Variants in CLASP1 observed in about 807,000 individuals in gnomAD.
CLASP1 encodes the protein cytoplasmic linker associated protein 1.
Under a neutral mutation model 192.3 loss-of-function variants are expected in CLASP1, and 38 were observed. The ratio of observed to expected loss-of-function variants is 0.20; its 90% CI spans 0.15 to 0.26. CLASP1 has a LOEUF of 0.26. Ranked by LOEUF, CLASP1 falls within the 10% of genes least tolerant of loss-of-function variation. The pLI, the probability that CLASP1 is intolerant of heterozygous loss-of-function variation, is 1.00. For synonymous variants in CLASP1, 691 were observed against 712.8 expected (o/e 0.97, Z 0.49); for missense variants, 1,433 against 1,932.5 (o/e 0.74, Z 4.85).
chr2:121,362,143 G>A (rs2066537431), intron 37 of CLASP1, among the ~76,000 whole-genome samples: 1 of 152,232 alleles, frequency 6.6e-6, no homozygotes, highest in Admixed American at 6.5e-5. Context: ...CATGAGCCAA[G>A]AGCTCAAACT....
chr2:121,619,322 A>G (rs1027124074), intron 1 of CLASP1, among the ~76,000 whole-genome samples: 1 of 152,220 alleles, frequency 6.6e-6, no homozygotes. Flanking sequence ...TGATGAATAC[A>G]TATTACTTTT....
At chr2:121,556,968 A>G (rs529302749) in intron 2 of CLASP1, among the ~76,000 whole-genome samples, 6 of 152,278 alleles carry the variant, frequency 3.9e-5, no homozygotes, top group African/African-American at 1.2e-4. Flanking sequence ...TCTGCTACCA[A>G]ATGACTCTAG....
At chr2:121,360,414 G>A (rs2066157839) in intron 37 of CLASP1, among the ~76,000 whole-genome samples, 2 of 152,102 alleles carry the variant, frequency 1.3e-5, no homozygotes, top group Admixed American at 6.6e-5. Context: ...GGAGTCATAA[G>A]AATTGAATGC....
At chr2:121,533,513 C>CT (rs200137611) in intron 2 of CLASP1, among the ~76,000 whole-genome samples, 2 of 151,568 alleles carry the variant, frequency 1.3e-5, no homozygotes, top group East Asian at 1.9e-4. Context: ...GGTAAGGGTA[C>CT]TTTTTTTTTC....
intron 1 of CLASP1, among the ~76,000 whole-genome samples, chr2:121,622,852 G>A (rs903420506): frequency 9.2e-5 from 14 of 151,894 alleles, no homozygotes; most frequent in African/African-American, 2.9e-4. Flanking sequence ...CAATATGAAC[G>A]CCTTTTCTTT....
intron 2 of CLASP1, among the ~76,000 whole-genome samples, chr2:121,565,542 AC>A (rs1466732982): frequency 1.7e-4 from 26 of 152,276 alleles, no homozygotes; most frequent in African/African-American, 5.8e-4. Flanking sequence ...TCCACAGCCA[AC>A]CAAAGCTCTG....
At position 121,611,203 on chromosome 2, in the gene CLASP1, G is replaced by C. The variant is rs111207639; in HGVS notation, c.-285-5023C>G. 2.7e-3 allele frequency among the ~76,000 whole-genome samples: 372 copies of C among 140,040 alleles called. 3 individuals carry two copies. Among genetic ancestry groups the C allele is most frequent in the African/African-American group, 9.7e-3 (342 of 35,090 alleles). 91.9% of individuals were successfully genotyped at this position (140,040 alleles called of 152,430 possible). A position where few individuals can be genotyped will look rare whatever the true frequency, so the allele number is the denominator to read the frequency against. ...GGAGGAAGAGGAACTGGAGGAGGAG[G>C]AGGTGGAGGAGTTACAGGAGGAAGA... is the stretch of plus-strand genomic sequence containing the variant. On this transcript the variant is annotated intron_variant, in intron 1 of 39. Transcript: ENST00000263710.
chr2:121,603,794 T>C (rs543449920), intron 2 of CLASP1, among the ~76,000 whole-genome samples: 19 of 152,354 alleles, frequency 1.2e-4, no homozygotes, highest in African/African-American at 4.1e-4. Context: ...GAGGGCATTA[T>C]GTTAAGTGAA....
chr2:121,399,595 A>T (rs749166921), intron 28 of CLASP1, among the ~76,000 whole-genome samples: 15 of 152,228 alleles, frequency 9.9e-5, no homozygotes, highest in Non-Finnish European at 1.9e-4. Context: ...GCAGTCGCTG[A>T]CTATTCTAGA....
chr2:121,550,789 G>A (rs1458604636), intron 2 of CLASP1, among the ~76,000 whole-genome samples: 1 of 152,008 alleles, frequency 6.6e-6, no homozygotes, highest in African/African-American at 2.4e-5. Context: ...TCTACTAGAT[G>A]TACAAAGAAC....
intron 7 of CLASP1, among the ~76,000 whole-genome samples, chr2:121,509,420 C>T (rs1469367686): frequency 1.3e-5 from 2 of 152,298 alleles, no homozygotes; most frequent in South Asian, 2.1e-4. Flanking sequence ...GCAATCCTTC[C>T]GTCTCGGCCT....
intron 2 of CLASP1, chr2:121,531,075 T>C (rs1445163519): frequency 7.3e-6 from 5 of 687,518 alleles, no homozygotes; most frequent in Middle Eastern, 3.7e-4. Context: ...TAGTACTTTG[T>C]GGTTAAACCA....
At chr2:121,478,718 CCA>C (rs1186872040) in intron 8 of CLASP1, among the ~76,000 whole-genome samples, 2 of 64,138 alleles carry the variant, frequency 3.1e-5, no homozygotes, top group East Asian at 5.5e-4. Context: ...ACACACACAA[CCA>C]CACACACACC....
chr2:121,445,097 G>A (rs1201406183), intron 19 of CLASP1: 2 of 466,398 alleles, frequency 4.3e-6, no homozygotes, highest in South Asian at 1.8e-5. Context: ...AGGGAAACAA[G>A]TTCAACAGCA....
chr2:121,589,434 C>T (rs10205287), intron 2 of CLASP1, among the ~76,000 whole-genome samples: 1 of 151,752 alleles, frequency 6.6e-6, no homozygotes, highest in African/African-American at 2.4e-5. Flanking sequence ...GTTTGAGATC[C>T]GCCTGGCCAA....
chr2:121,590,408 T>A (rs1437455083), intron 2 of CLASP1, among the ~76,000 whole-genome samples: 1 of 152,214 alleles, frequency 6.6e-6, no homozygotes, highest in Non-Finnish European at 1.5e-5. Context: ...TACAAATGTA[T>A]AGAAGAGAAT....
At chr2:121,420,205 C>T (rs909113349) in intron 22 of CLASP1, among the ~76,000 whole-genome samples, 1 of 151,994 alleles carries the variant, frequency 6.6e-6, no homozygotes, top group Non-Finnish European at 1.5e-5. Flanking sequence ...GGGGGTTCAC[C>T]AGAAATTCTT....
exon 9 of CLASP1, chr2:121,469,891 T>C: frequency 1.2e-6 from 2 of 1,613,838 alleles, no homozygotes; most frequent in Non-Finnish European, 1.7e-6. Flanking sequence ...TGGTGGAGCC[T>C]TGGATGATGT....
At chr2:121,347,879 T>A (rs904147419) in intron 38 of CLASP1, among the ~76,000 whole-genome samples, 9 of 152,028 alleles carry the variant, frequency 5.9e-5, no homozygotes, top group Non-Finnish European at 7.4e-5. Flanking sequence ...TCTCTACCTT[T>A]CCCCAGTGAA....
Sources: gnomAD v4.1 joint callset for allele counts (sites outside exome capture counted in the v4.1 genomes callset) on GRCh38, gnomAD v4.1.1 for gene constraint, MANE v1.5 for transcripts, NCBI Gene and HGNC (gene_info 2026-07-23, HGNC 2026-07-21) for gene names.